The following MCC variants were observed in gnomAD, a reference collection of about 807,000 sequenced individuals.
The protein encoded by MCC is MCC regulator of Wnt signaling pathway, also known as colorectal mutant cancer protein.
A neutral mutation model predicts 116.2 loss-of-function variants in MCC; 90 were observed. The observed-to-expected ratio is 0.77, with a 90% CI of 0.65 to 0.92. The LOEUF is 0.92. Among genes scored for constraint, MCC ranks in the 40% least tolerant of loss-of-function variants. The pLI, the probability that MCC is intolerant of heterozygous loss-of-function variation, is 0.00. For synonymous variants in MCC, 578 were observed against 510.5 expected, an observed-to-expected ratio of 1.13 and a Z score of -1.78; for missense variants, 1,516 against 1,312.2, an observed-to-expected ratio of 1.16 and a Z score of -2.40.
intron 3 of MCC, among the ~76,000 whole-genome samples, chr5:113,295,298 C>T (rs565170095): frequency 7.9e-5 from 12 of 152,086 alleles, no homozygotes; most frequent in Non-Finnish European, 1.8e-4. Flanking sequence ...TCTCACGGAA[C>T]ATTAAGATTT....
At chr5:113,348,597 T>C (rs1342433184) in intron 2 of MCC, among the ~76,000 whole-genome samples, 1 of 151,776 alleles carries the variant, frequency 6.6e-6, no homozygotes, top group East Asian at 1.9e-4. Context: ...CTACCAATGC[T>C]TACATCAAAA....
intron 15 of MCC, among the ~76,000 whole-genome samples, chr5:113,050,331 C>T (rs1752406590): frequency 6.6e-6 from 1 of 152,120 alleles, no homozygotes; most frequent in Non-Finnish European, 1.5e-5. Context: ...CCACCAGGTC[C>T]AGCCTTCCCA....
At chr5:113,174,932 G>C (rs976423912) in intron 3 of MCC, among the ~76,000 whole-genome samples, 5 of 151,978 alleles carry the variant, frequency 3.3e-5, no homozygotes, top group African/African-American at 1.2e-4. Flanking sequence ...TTAACATAGT[G>C]TGATCTCATT....
At chr5:113,340,800 A>T (rs1581412295) in intron 2 of MCC, 70 bp from the exon 3 acceptor site, 2 of 1,277,468 alleles carry the variant, frequency 1.6e-6, no homozygotes, top group East Asian at 4.9e-5. Flanking sequence ...CCAATAGGCA[A>T]TGATTTGGAA....
At chr5:113,479,051 T>C (rs1772306107) in intron 1 of MCC, among the ~76,000 whole-genome samples, 1 of 152,154 alleles carries the variant, frequency 6.6e-6, no homozygotes, top group Non-Finnish European at 1.5e-5. Context: ...TTACTTACAA[T>C]AGCCTCAAAC....
chr5:113,075,238 G>T (rs926745693), intron 11 of MCC, among the ~76,000 whole-genome samples: 3 of 152,196 alleles, frequency 2.0e-5, no homozygotes, highest in Admixed American at 6.5e-5. Flanking sequence ...CTCGCGCCAC[G>T]CTCGAATTCT....
At position 113,143,198 on chromosome 5, in the gene MCC, A is replaced by G; in HGVS notation, c.884+20T>C. On this transcript the variant is annotated intron_variant, in intron 5 of 18. Transcript: ENST00000408903. ...GGTTTAGCAGAAGGGGCAGAGTAAAAGCCGAATGGAGCCGCGTACCTGATG... is the reference window on the plus strand; with the variant it reads ...GGTTTAGCAGAAGGGGCAGAGTAAAGGCCGAATGGAGCCGCGTACCTGATG... The G allele has an allele frequency of 6.3e-7, 1 of 1,578,696 alleles. No individual in the cohort carries two copies. The highest frequency in any genetic ancestry group is 8.6e-7 in the Non-Finnish European group (1 of 1,165,216).
chr5:113,060,047 TC>T (rs1327101059), intron 14 of MCC, among the ~76,000 whole-genome samples: 1 of 152,212 alleles, frequency 6.6e-6, no homozygotes, highest in Admixed American at 6.5e-5. Context: ...ACATTTCATT[TC>T]TTTTGCCTTG....
intron 11 of MCC, among the ~76,000 whole-genome samples, chr5:113,082,123 T>C (rs1420244384): frequency 1.3e-5 from 2 of 152,238 alleles, no homozygotes; most frequent in Non-Finnish European, 2.9e-5. Flanking sequence ...ATCACTGGCA[T>C]GACACATAAG....
intron 3 of MCC, among the ~76,000 whole-genome samples, chr5:113,207,774 T>C (rs1463034321): frequency 3.3e-5 from 5 of 152,188 alleles, no homozygotes. Context: ...TGATCCTAGC[T>C]AGAGGTAACA....
rs1452184502 is a variant in MCC at position 113,101,888 on chromosome 5, C to T, written c.1249G>A (p.Glu417Lys). The change falls in exon 8 of 19, where the codon GAG becomes AAG. Residue 417 changes from glutamate to lysine, a missense_variant. Coordinates refer to ENST00000408903, the MANE Select transcript of MCC (RefSeq NM_001085377.2). ...AGCTCCTTCTCCCACCGAGACCTCT[C>T]TTCAGCCAGGTTGGGATACAGGTCC... ...GRDLYPNLAE[E>K]RSRWEKELAG... 1.9e-6 allele frequency: 3 copies of T among 1,614,108 alleles called. No homozygotes were observed. Among genetic ancestry groups the T allele is most frequent in the Middle Eastern group, 1.6e-4 (1 of 6,062 alleles).
intron 3 of MCC, among the ~76,000 whole-genome samples, chr5:113,223,387 T>C (rs542649787): frequency 6.6e-6 from 1 of 152,324 alleles, no homozygotes; most frequent in African/African-American, 2.4e-5. Context: ...AGTTGAAAAG[T>C]ACCTGTTCCC....
intron 17 of MCC, among the ~76,000 whole-genome samples, chr5:113,039,933 G>A (rs1751585364): frequency 6.6e-6 from 1 of 152,062 alleles, no homozygotes; most frequent in Admixed American, 6.6e-5. Context: ...GGAAAGATCA[G>A]TCAAATTTTA....
intron 1 of MCC, among the ~76,000 whole-genome samples, chr5:113,430,975 C>A (rs372184449): frequency 1.3e-5 from 2 of 151,894 alleles, no homozygotes; most frequent in Non-Finnish European, 1.5e-5. Flanking sequence ...AAAATGTGTA[C>A]GGTAGGAAGA....
chr5:113,393,760 T>C (rs1769458783), intron 1 of MCC, among the ~76,000 whole-genome samples: 1 of 152,198 alleles, frequency 6.6e-6, no homozygotes, highest in Non-Finnish European at 1.5e-5. Flanking sequence ...GACACATTTC[T>C]TTCTTTCTCT....
intron 14 of MCC, among the ~76,000 whole-genome samples, chr5:113,058,769 T>A (rs1753008681): frequency 6.6e-6 from 1 of 152,192 alleles, no homozygotes; most frequent in African/African-American, 2.4e-5. Flanking sequence ...CTCACTAAGT[T>A]GTGGAAAGGA....
chr5:113,093,510 T>A (rs926310252), intron 8 of MCC, among the ~76,000 whole-genome samples: 1 of 151,552 alleles, frequency 6.6e-6, no homozygotes, highest in Non-Finnish European at 1.5e-5. Flanking sequence ...CAAAAGAAAG[T>A]AAATGATGCA....
chr5:113,340,598 G>C lies in MCC; in HGVS notation c.548C>G (p.Ala183Gly). 6.2e-7 allele frequency: 1 copy of C among 1,614,172 alleles called. No homozygotes were observed. Among genetic ancestry groups the C allele is most frequent in the East Asian group, 2.2e-5 (1 of 44,872 alleles). Reference sequence around the variant, plus strand: ...CTGTGTGAGCAGTTTGTGGAGAGCAGCCTGCTGATGCAAAGAGCTTCCGCC... The same window carrying C: ...CTGTGTGAGCAGTTTGTGGAGAGCACCCTGCTGATGCAAAGAGCTTCCGCC... ...EYGGSSLHQQ[A>G]ALHKLLTQSP... The change falls in exon 3 of 19, where the codon GCT (alanine) becomes GGT (glycine). Residue 183 changes from alanine (A) to glycine (G), a missense_variant. By Grantham distance (60) the Ala-to-Gly change is moderately conservative. Coordinates refer to ENST00000408903, the MANE Select transcript of MCC (RefSeq NM_001085377.2).
chr5:113,342,768 A>T (rs1288306893), intron 2 of MCC, among the ~76,000 whole-genome samples: 1 of 152,242 alleles, frequency 6.6e-6, no homozygotes, highest in Non-Finnish European at 1.5e-5. Context: ...TCTAGCTGCA[A>T]GGAAAGCTGG....
Sources: allele counts gnomAD v4.1 joint callset (sites outside exome capture counted in the v4.1 genomes callset), GRCh38; gene constraint gnomAD v4.1.1; transcripts MANE v1.5; gene names NCBI Gene and HGNC (gene_info 2026-07-23, HGNC 2026-07-21).